Variants in SERGEF observed in about 807,000 individuals in gnomAD.
The protein encoded by SERGEF is secretion-regulating guanine nucleotide exchange factor.
A neutral mutation model predicts 50.0 loss-of-function variants in SERGEF; 51 were observed. The ratio of observed to expected loss-of-function variants is 1.02; its 90% CI spans 0.81 to 1.29. The LOEUF is 1.29. Among genes scored for constraint, SERGEF ranks in the 50% most tolerant of loss-of-function variants. The probability of loss-of-function intolerance (pLI) is 0.00; values close to 1 mark genes in which losing one functional copy is unlikely to be tolerated. For synonymous variants in SERGEF, 205 were observed against 212.4 expected, an observed-to-expected ratio of 0.97 and a Z score of 0.30; for missense variants, 521 against 557.0, an observed-to-expected ratio of 0.94 and a Z score of 0.65.
intron 9 of SERGEF, among the ~76,000 whole-genome samples, chr11:17,929,639 C>T (rs746068006): frequency 6.6e-6 from 1 of 152,158 alleles, no homozygotes. Flanking sequence ...ATATGCCAGG[C>T]GCTGTGCTAG....
At chr11:17,945,978 C>CA (rs1389627893) in intron 9 of SERGEF, among the ~76,000 whole-genome samples, 1 of 151,660 alleles carries the variant, frequency 6.6e-6, no homozygotes, top group Non-Finnish European at 1.5e-5. Flanking sequence ...AACTCCACCT[C>CA]AAAAAAACAA....
At chr11:17,933,525 A>G (rs189654460) in intron 9 of SERGEF, among the ~76,000 whole-genome samples, 1 of 152,268 alleles carries the variant, frequency 6.6e-6, no homozygotes, top group East Asian at 1.9e-4. Flanking sequence ...CACTCCATCT[A>G]TCTGGGCTTC....
At chr11:17,811,915 C>T (rs1231838055) in intron 10 of SERGEF, among the ~76,000 whole-genome samples, 1 of 152,212 alleles carries the variant, frequency 6.6e-6, no homozygotes, top group Non-Finnish European at 1.5e-5. Flanking sequence ...CAGAGCACAG[C>T]ACAATGCCTG....
chr11:17,982,886 G>T (rs1413565899), intron 8 of SERGEF, among the ~76,000 whole-genome samples: 1 of 152,190 alleles, frequency 6.6e-6, no homozygotes, highest in Non-Finnish European at 1.5e-5. Context: ...AGAGGACACC[G>T]ATGGAAGGGA....
chr11:18,008,252 C>G (rs1275694603), intron 1 of SERGEF, among the ~76,000 whole-genome samples, 176 bp from the exon 2 acceptor site: 1 of 152,240 alleles, frequency 6.6e-6, no homozygotes, highest in African/African-American at 2.4e-5. Context: ...CAAATACTCA[C>G]AGCACTGTTT....
chr11:17,824,849 G>A (rs1376634284), intron 10 of SERGEF, among the ~76,000 whole-genome samples: 1 of 152,164 alleles, frequency 6.6e-6, no homozygotes, highest in Non-Finnish European at 1.5e-5. Context: ...AGTCACATTG[G>A]GGGTTAGGGA....
intron 10 of SERGEF, among the ~76,000 whole-genome samples, chr11:17,811,885 CAA>C (rs1290073268): frequency 6.6e-6 from 1 of 152,232 alleles, no homozygotes; most frequent in Non-Finnish European, 1.5e-5. Flanking sequence ...TGCCACCAGC[CAA>C]AGTCATTTCT....
chr11:17,995,964 G>T (rs1590240922), intron 5 of SERGEF, 55 bp from the exon 6 acceptor site: 2 of 1,288,796 alleles, frequency 1.6e-6, no homozygotes, highest in East Asian at 4.8e-5. Context: ...GATAAGACTA[G>T]ATTGCTCTTT....
chr11:18,006,853 T>C, intron 2 of SERGEF, 107 bp from the exon 3 acceptor site: 2 of 1,313,934 alleles, frequency 1.5e-6, no homozygotes, highest in Non-Finnish European at 2.2e-6. Flanking sequence ...CAATAACTTT[T>C]TTTGCCATCC....
At chr11:17,799,799 T>C (rs1849633284) in intron 10 of SERGEF, among the ~76,000 whole-genome samples, 1 of 152,228 alleles carries the variant, frequency 6.6e-6, no homozygotes, top group African/African-American at 2.4e-5. Flanking sequence ...TGAATAAATA[T>C]TGTACCTACT....
chr11:17,868,354 T>C (rs1052415645), intron 10 of SERGEF, among the ~76,000 whole-genome samples: 1 of 152,196 alleles, frequency 6.6e-6, no homozygotes, highest in African/African-American at 2.4e-5. Context: ...GTCTCTTTGT[T>C]AAAACACAAC....
At chr11:17,817,343 T>C (rs1849996107) in intron 10 of SERGEF, among the ~76,000 whole-genome samples, 1 of 151,636 alleles carries the variant, frequency 6.6e-6, no homozygotes, top group African/African-American at 2.4e-5. Context: ...GCCTCCCAAA[T>C]AGCTGAGATT....
chr11:18,003,388 C>T (rs917725220), intron 4 of SERGEF, among the ~76,000 whole-genome samples: 5 of 152,202 alleles, frequency 3.3e-5, no homozygotes, highest in Admixed American at 6.5e-5. Flanking sequence ...TCCTGTTTAA[C>T]ACTTGTTTTG....
At chr11:17,873,712 C>A (rs1223524142) in intron 10 of SERGEF, among the ~76,000 whole-genome samples, 1 of 151,878 alleles carries the variant, frequency 6.6e-6, no homozygotes, top group Non-Finnish European at 1.5e-5. Flanking sequence ...CACTTTCCTG[C>A]CAATAACCAA....
At chr11:18,008,183 A>AATCT in intron 1 of SERGEF, 107 bp from the exon 2 acceptor site, 1 of 1,149,780 alleles carries the variant, frequency 8.7e-7, no homozygotes, top group East Asian at 2.5e-5. Context: ...AGACCCTGTA[A>AATCT]CAGATGAGAT....
chr11:17,983,481 A>G (rs886267017), intron 8 of SERGEF, among the ~76,000 whole-genome samples: 3 of 152,236 alleles, frequency 2.0e-5, no homozygotes, highest in African/African-American at 2.4e-5. Flanking sequence ...TTTAAAAGAC[A>G]TATGAGCCAG....
chr11:17,795,375 G>A (rs1849555765), intron 10 of SERGEF, among the ~76,000 whole-genome samples: 1 of 152,302 alleles, frequency 6.6e-6, no homozygotes, highest in South Asian at 2.1e-4. Context: ...TTTGGGTCTA[G>A]ATGGCAACAG....
chr11:17,816,933 G>C (rs1232370109), intron 10 of SERGEF, among the ~76,000 whole-genome samples: 2 of 152,162 alleles, frequency 1.3e-5, no homozygotes, highest in Non-Finnish European at 2.9e-5. Flanking sequence ...AGCCTTATAT[G>C]TGATATACCA....
intron 8 of SERGEF, among the ~76,000 whole-genome samples, chr11:17,964,883 C>A (rs1055006877): frequency 2.0e-5 from 3 of 152,150 alleles, no homozygotes; most frequent in African/African-American, 7.2e-5. Flanking sequence ...ATGATAATAC[C>A]CAGGGACTAG....
Sources: allele counts gnomAD v4.1 joint callset (sites outside exome capture counted in the v4.1 genomes callset), GRCh38; gene constraint gnomAD v4.1.1; transcripts MANE v1.5; gene names NCBI Gene and HGNC (gene_info 2026-07-23, HGNC 2026-07-21).